The following ZNF618 variants were observed in gnomAD, a reference collection of about 807,000 sequenced individuals.
ZNF618 encodes zinc finger protein 618.
ZNF618 carries 34 observed loss-of-function variants against 103.0 expected under a neutral mutation model. That is an observed-to-expected ratio of 0.33 (90% CI 0.25 to 0.44). The LOEUF (loss-of-function observed/expected upper bound fraction) is 0.44. ZNF618 is among the 20% of genes least tolerant of loss of function. ZNF618 has a pLI of 1.00. For missense variants in ZNF618, 1,059 were observed against 1,295.4 expected (o/e 0.82, Z 2.80); for synonymous variants, 551 against 542.2 (o/e 1.02, Z -0.23).
At chr9:113,942,083 A>G (rs941031854) in intron 1 of ZNF618, among the ~76,000 whole-genome samples, 1 of 152,216 alleles carries the variant, frequency 6.6e-6, no homozygotes, top group Non-Finnish European at 1.5e-5. Context: ...GAAGTGGTCA[A>G]TACGGGAACT....
intron 1 of ZNF618, among the ~76,000 whole-genome samples, chr9:113,886,432 T>C (rs1829076770): frequency 6.6e-6 from 1 of 152,212 alleles, no homozygotes; most frequent in Admixed American, 6.5e-5. Context: ...TCGGGGAACT[T>C]AGAATACTCA....
chr9:114,041,666 C>G (rs1564339286), intron 13 of ZNF618, among the ~76,000 whole-genome samples: 1 of 152,160 alleles, frequency 6.6e-6, no homozygotes, highest in Non-Finnish European at 1.5e-5. Flanking sequence ...TCTGAGGGCT[C>G]TGTTCTGTTC....
intron 1 of ZNF618, among the ~76,000 whole-genome samples, chr9:113,878,367 TAATC>T (rs1180047994): frequency 6.6e-6 from 1 of 151,832 alleles, no homozygotes; most frequent in African/African-American, 2.4e-5. Context: ...AAAGGAAAAA[TAATC>T]AAAATACAAA....
intron 1 of ZNF618, among the ~76,000 whole-genome samples, chr9:113,955,421 C>T (rs1042580152): frequency 2.6e-5 from 4 of 151,998 alleles, no homozygotes; most frequent in African/African-American, 9.7e-5. Context: ...TTCATTTCTT[C>T]ATGGGCCTCT....
chr9:113,919,926 C>G (rs1411382906), intron 1 of ZNF618, among the ~76,000 whole-genome samples: 2 of 152,242 alleles, frequency 1.3e-5, no homozygotes, highest in Non-Finnish European at 2.9e-5. Context: ...CCAGGCTCAC[C>G]TTCTTATGCC....
At chr9:114,003,271 C>T (rs1398891167) in intron 6 of ZNF618, among the ~76,000 whole-genome samples, 2 of 152,256 alleles carry the variant, frequency 1.3e-5, no homozygotes, top group Non-Finnish European at 2.9e-5. Flanking sequence ...GTTCTAGGCC[C>T]CAAGCGCCTG....
In ZNF618 at chr9:113,949,520, A is replaced by T. The variant is rs538110571; in HGVS notation, c.34-19597A>T. On this transcript the variant is annotated intron_variant, in intron 1 of 14. Coordinates refer to ENST00000374126, the MANE Select transcript of ZNF618 (RefSeq NM_001318042.2). ...TCCAACTTAAATGCCTCTGTTGTCA[A>T]GGTGCTCACTACCTCAGTCAGACTC... Among the ~76,000 whole-genome samples, 7 of 152,250 alleles carry T rather than the reference A, an allele frequency of 4.6e-5. No homozygotes were observed. The East Asian group carries it at 1.4e-3, about 29-fold the overall frequency.
Position 113,988,491 on chromosome 9 carries a change from A to G in ZNF618, c.248A>G (p.Glu83Gly). 1 of 1,613,372 alleles carries G rather than the reference A, an allele frequency of 6.2e-7. No homozygotes were observed. Among genetic ancestry groups the G allele is most frequent in the East Asian group, 2.2e-5 (1 of 44,874 alleles). ...ATCTGGCAGGGCGAGGCCAAGGAGG[A>G]GAAGAAGGCGGTCAGCAAGGATGGG... ...EVIWQGEAKE[E>G]KKAVSKDGTS... is the part of the protein sequence containing the mutation. Residue 83 changes from glutamate to glycine, a missense_variant, in exon 3 of 15, where the codon GAG becomes GGG. Physicochemically the swap from Glu to Gly is moderately conservative, Grantham distance 98. This residue lies in a region of ZNF618 where 194 missense variants were observed against 209.0 expected (regional missense o/e 0.93). Coordinates refer to ENST00000374126, the MANE Select transcript of ZNF618 (RefSeq NM_001318042.2).
At chr9:114,038,149 A>T (rs1269440644) in intron 13 of ZNF618, among the ~76,000 whole-genome samples, 1 of 152,222 alleles carries the variant, frequency 6.6e-6, no homozygotes, top group East Asian at 1.9e-4. Flanking sequence ...CACTGCCTGA[A>T]CATATCGCTT....
At chr9:113,901,316 A>T (rs370634647) in intron 1 of ZNF618, among the ~76,000 whole-genome samples, 1 of 152,138 alleles carries the variant, frequency 6.6e-6, no homozygotes, top group African/African-American at 2.4e-5. Flanking sequence ...TAAAACGGGC[A>T]TCTCCTTGCC....
At chr9:113,913,793 C>G (rs1362506628) in intron 1 of ZNF618, among the ~76,000 whole-genome samples, 2 of 152,156 alleles carry the variant, frequency 1.3e-5, no homozygotes, top group African/African-American at 4.8e-5. Context: ...ACTTAATGAG[C>G]TGTGGATCTT....
chr9:113,886,971 CTTTTTT>C (rs57000343), intron 1 of ZNF618, among the ~76,000 whole-genome samples: 24,227 of 108,728 alleles, frequency 0.22, 2,548 homozygotes, highest in Non-Finnish European at 0.25. Context: ...TTACTTTCTA[CTTTTTT>C]TTTTTTTTTT....
At chr9:113,882,822 T>C (rs529852085) in intron 1 of ZNF618, among the ~76,000 whole-genome samples, 2 of 152,282 alleles carry the variant, frequency 1.3e-5, no homozygotes, top group African/African-American at 4.8e-5. Context: ...CTCATTCATA[T>C]CTGCTTCGTG....
At chr9:113,968,227 T>C (rs1358145409) in intron 1 of ZNF618, among the ~76,000 whole-genome samples, 2 of 152,206 alleles carry the variant, frequency 1.3e-5, no homozygotes, top group African/African-American at 4.8e-5. Flanking sequence ...GAAATATCAA[T>C]GTGTTTGATT....
intron 3 of ZNF618, among the ~76,000 whole-genome samples, chr9:113,992,925 G>C (rs966820177): frequency 3.3e-5 from 5 of 152,166 alleles, no homozygotes; most frequent in African/African-American, 1.2e-4. Flanking sequence ...TGCTGAGAAG[G>C]GTGTCTCTCA....
At chr9:114,038,649 G>C (rs918894456) in intron 13 of ZNF618, among the ~76,000 whole-genome samples, 1 of 152,228 alleles carries the variant, frequency 6.6e-6, no homozygotes, top group South Asian at 2.1e-4. Context: ...AACCTGGCGT[G>C]CCTTGGTGAC....
At position 113,951,917 on chromosome 9, in the gene ZNF618, G is replaced by T. The variant is rs574242195; in HGVS notation, c.34-17200G>T. Among the ~76,000 whole-genome samples, 3 of 152,164 alleles carry T rather than the reference G, an allele frequency of 2.0e-5. No homozygotes were observed. The South Asian group carries it at 6.2e-4, about 32-fold the overall frequency. ...CCGCAAAGCCTGGGGTGGAGACTTGGTCATCATTCAGACATTGATGAGCTT... is the reference window on the plus strand; with the variant it reads ...CCGCAAAGCCTGGGGTGGAGACTTGTTCATCATTCAGACATTGATGAGCTT... On this transcript the variant is annotated intron_variant, in intron 1 of 14. Coordinates refer to ENST00000374126, the MANE Select transcript of ZNF618 (RefSeq NM_001318042.2).
At chr9:114,021,621 A>G (rs894931753) in intron 10 of ZNF618, among the ~76,000 whole-genome samples, 6 of 152,112 alleles carry the variant, frequency 3.9e-5, no homozygotes, top group Non-Finnish European at 8.8e-5. Flanking sequence ...TTTAAAGTGT[A>G]CAGTTTGATA....
chr9:113,985,576 A>C (rs1839397394), intron 2 of ZNF618, among the ~76,000 whole-genome samples: 1 of 152,244 alleles, frequency 6.6e-6, no homozygotes, highest in Non-Finnish European at 1.5e-5. Flanking sequence ...AGGTGGCAGC[A>C]GCCCGGAAAG....
Sources: gnomAD v4.1 joint callset for allele counts (sites outside exome capture counted in the v4.1 genomes callset) on GRCh38, gnomAD v4.1.1 for gene constraint, gnomAD v4.1.1 regional missense constraint, MANE v1.5 for transcripts, NCBI Gene and HGNC (gene_info 2026-07-23, HGNC 2026-07-21) for gene names.